KIAA1958: variants seen among roughly 807,000 people sequenced by gnomAD.
KIAA1958 encodes the protein KIAA1958, also known as uncharacterized protein KIAA1958.
Under a neutral mutation model 47.2 loss-of-function variants are expected in KIAA1958, and 14 were observed. The observed-to-expected ratio is 0.30, with a 90% CI of 0.20 to 0.46. The LOEUF (loss-of-function observed/expected upper bound fraction) is 0.46, where lower values mean the gene tolerates loss of function less well. Ranked by LOEUF, KIAA1958 falls within the 20% of genes least tolerant of loss-of-function variation. The pLI, the probability that KIAA1958 is intolerant of heterozygous loss-of-function variation, is 1.00. For synonymous variants in KIAA1958, 354 were observed against 353.3 expected (o/e 1.00, Z -0.02); for missense variants, 803 against 909.2 (o/e 0.88, Z 1.50).
Position 112,664,066 on chromosome 9 carries a change from G to A in KIAA1958, c.*3997G>A, listed in dbSNP as rs561601593. The A allele has an allele frequency of 3.9e-4, 60 of 152,332 alleles. No homozygotes were observed. The highest frequency in any genetic ancestry group is 6.9e-4 in the Non-Finnish European group (47 of 68,026). 9.4% of individuals were successfully genotyped at this position (152,332 alleles called of 1,614,324 possible). A position where few individuals can be genotyped will look rare whatever the true frequency, so the allele number is the denominator to read the frequency against. On this transcript the variant is annotated 3_prime_UTR_variant, in exon 4 of 4. Transcript: ENST00000337530. ...CATCAGTGGGATGGATCGTCTTCAC[G>A]GTGAACCGTGTTACACTTCTGCAAT...
At chr9:112,640,921 T>C (rs548934464) in intron 2 of KIAA1958, among the ~76,000 whole-genome samples, 1 of 152,332 alleles carries the variant, frequency 6.6e-6, no homozygotes, top group South Asian at 2.1e-4. Context: ...TTTTGCTAGA[T>C]AGATTGCAGG....
intron 3 of KIAA1958, among the ~76,000 whole-genome samples, chr9:112,649,785 A>T (rs1837030154): frequency 6.6e-6 from 1 of 152,110 alleles, no homozygotes; most frequent in Non-Finnish European, 1.5e-5. Context: ...TCAAATAAAG[A>T]CTTTTCAGGC....
At chr9:112,561,955 A>G (rs575552229) in intron 1 of KIAA1958, among the ~76,000 whole-genome samples, 1 of 152,228 alleles carries the variant, frequency 6.6e-6, no homozygotes, top group Non-Finnish European at 1.5e-5. Context: ...GCCTGTTTGC[A>G]TGGCTCCCAG....
At chr9:112,492,758 T>C (rs1833990025) in intron 1 of KIAA1958, among the ~76,000 whole-genome samples, 1 of 152,186 alleles carries the variant, frequency 6.6e-6, no homozygotes, top group Non-Finnish European at 1.5e-5. Context: ...AATCCTTTTT[T>C]TGTTTGTTTG....
chr9:112,587,495 A>C (rs1376807268), intron 2 of KIAA1958, among the ~76,000 whole-genome samples: 5 of 152,194 alleles, frequency 3.3e-5, no homozygotes, highest in Admixed American at 2.6e-4. Context: ...AACATGCTTT[A>C]TGCCTTCAAG....
chr9:112,512,979 AG>A (rs1206756813), intron 1 of KIAA1958, among the ~76,000 whole-genome samples: 1 of 150,622 alleles, frequency 6.6e-6, no homozygotes, highest in African/African-American at 2.4e-5. Flanking sequence ...CTGGGATTAC[AG>A]GCGCCCGCCA....
chr9:112,539,809 A>G (rs1237132547), intron 1 of KIAA1958, among the ~76,000 whole-genome samples: 3 of 151,830 alleles, frequency 2.0e-5, no homozygotes, highest in African/African-American at 7.3e-5. Flanking sequence ...TCCTGCCTCA[A>G]CCTCCTGAGT....
intron 2 of KIAA1958, chr9:112,617,938 C>T (rs1036946589): frequency 6.8e-5 from 105 of 1,550,378 alleles, no homozygotes; most frequent in Middle Eastern, 3.3e-4. Flanking sequence ...GCACGCAGAC[C>T]GCGCTCCGCA....
chr9:112,544,138 T>C (rs1002392136), intron 1 of KIAA1958, among the ~76,000 whole-genome samples: 3 of 152,210 alleles, frequency 2.0e-5, no homozygotes, highest in African/African-American at 4.8e-5. Context: ...CACAGAATAC[T>C]AGATTCATTG....
intron 1 of KIAA1958, among the ~76,000 whole-genome samples, chr9:112,571,860 A>G (rs970967825): frequency 1.3e-5 from 2 of 150,928 alleles, no homozygotes; most frequent in Non-Finnish European, 3.0e-5. Flanking sequence ...TAAAATAAAA[A>G]AAGTTCAGAA....
intron 1 of KIAA1958, among the ~76,000 whole-genome samples, chr9:112,490,674 A>T (rs1833953164): frequency 6.6e-6 from 1 of 152,268 alleles, no homozygotes; most frequent in Non-Finnish European, 1.5e-5. Flanking sequence ...TTTGTATCCA[A>T]TGCCAACAAA....
intron 3 of KIAA1958, 41 bp downstream of exon 3, chr9:112,645,863 T>A: frequency 6.3e-7 from 1 of 1,578,094 alleles, no homozygotes; most frequent in African/African-American, 1.3e-5. Context: ...CCAACTTCAC[T>A]GAGCTTCCAA....
chr9:112,505,441 AG>A (rs1198635279), intron 1 of KIAA1958, among the ~76,000 whole-genome samples: 1 of 152,200 alleles, frequency 6.6e-6, no homozygotes, highest in African/African-American at 2.4e-5. Context: ...CCAGGCACAT[AG>A]GTTATATTAT....
intron 3 of KIAA1958, among the ~76,000 whole-genome samples, chr9:112,654,554 T>C (rs1837116799): frequency 6.6e-6 from 1 of 152,118 alleles, no homozygotes; most frequent in Admixed American, 6.6e-5. Flanking sequence ...CCTGATGGCC[T>C]TGGAGTCCGC....
At chr9:112,566,065 A>G (rs1310053019) in intron 1 of KIAA1958, among the ~76,000 whole-genome samples, 2 of 151,938 alleles carry the variant, frequency 1.3e-5, no homozygotes, top group Admixed American at 6.6e-5. Flanking sequence ...AACCACGCCC[A>G]GCTAATTTTT....
At chr9:112,626,850 A>T (rs974138327) in intron 2 of KIAA1958, among the ~76,000 whole-genome samples, 4 of 151,908 alleles carry the variant, frequency 2.6e-5, no homozygotes, top group Non-Finnish European at 5.9e-5. Context: ...CTTGCCAAAA[A>T]TCATTACGAT....
intron 2 of KIAA1958, among the ~76,000 whole-genome samples, chr9:112,636,951 T>G (rs948873280): frequency 6.6e-6 from 1 of 152,244 alleles, no homozygotes; most frequent in Non-Finnish European, 1.5e-5. Flanking sequence ...CAAGTCTTTT[T>G]TATCCCATTT....
chr9:112,642,766 C>A (rs1385496856), intron 2 of KIAA1958, among the ~76,000 whole-genome samples: 1 of 152,200 alleles, frequency 6.6e-6, no homozygotes, highest in African/African-American at 2.4e-5. Context: ...ATATCCTCAG[C>A]AGCATAACAC....
intron 2 of KIAA1958, among the ~76,000 whole-genome samples, chr9:112,588,208 C>G (rs1777638): frequency 0.96 from 145,525 of 152,330 alleles, 69,590 homozygotes; most frequent in African/African-American, 0.99. Flanking sequence ...TTCAGAACCA[C>G]TAACACCTTT....
Sources: gnomAD v4.1 joint callset for allele counts (sites outside exome capture counted in the v4.1 genomes callset) on GRCh38, gnomAD v4.1.1 for gene constraint, MANE v1.5 for transcripts, NCBI Gene and HGNC (gene_info 2026-07-23, HGNC 2026-07-21) for gene names.